FER1L6: variants seen among roughly 807,000 people sequenced by gnomAD.
FER1L6 encodes fer-1 like family member 6, also known as fer-1-like protein 6.
A neutral mutation model predicts 219.2 loss-of-function variants in FER1L6; 177 were observed. The ratio of observed to expected loss-of-function variants is 0.81; its 90% CI spans 0.71 to 0.91. FER1L6 has a LOEUF of 0.91. Among genes scored for constraint, FER1L6 ranks in the 40% least tolerant of loss-of-function variants. The pLI is 0.00. For missense variants in FER1L6, 2,153 were observed against 2,259.9 expected (o/e 0.95, Z 0.96); for synonymous variants, 768 against 824.3 (o/e 0.93, Z 1.17).
chr8:124,098,017 C>T (rs10956164), intron 37 of FER1L6, 134 bp downstream of exon 37: 428,871 of 510,412 alleles, frequency 0.84, 181,119 homozygotes, highest in African/African-American at 0.88. Context: ...TTAAGGCCAC[C>T]TTCTTTGTCT....
At chr8:124,044,795 G>T (rs1276535012) in intron 20 of FER1L6, among the ~76,000 whole-genome samples, 1 of 152,186 alleles carries the variant, frequency 6.6e-6, no homozygotes, top group Non-Finnish European at 1.5e-5. Flanking sequence ...GTGTGAAATT[G>T]GCAGGTTTCC....
intron 1 of FER1L6, among the ~76,000 whole-genome samples, chr8:123,914,394 G>A (rs1156511530): frequency 6.6e-6 from 1 of 152,186 alleles, no homozygotes; most frequent in African/African-American, 2.4e-5. Context: ...ACGTCAGTGG[G>A]TGGGGATGGT....
At chr8:124,112,970 G>A (rs1823083923) in intron 39 of FER1L6, among the ~76,000 whole-genome samples, 1 of 152,048 alleles carries the variant, frequency 6.6e-6, no homozygotes, top group South Asian at 2.1e-4. Flanking sequence ...AAGAAAACTT[G>A]CTAATGGTTT....
chr8:124,015,596 T>TGTATATATATTAC (rs1818159142), intron 15 of FER1L6, among the ~76,000 whole-genome samples: 2 of 96,916 alleles, frequency 2.1e-5, no homozygotes, highest in Non-Finnish European at 4.0e-5. Context: ...TATATATATA[T>TGTATATATATTAC]ATATATATAT....
intron 18 of FER1L6, among the ~76,000 whole-genome samples, chr8:124,024,657 C>T (rs1818625408): frequency 6.6e-6 from 1 of 152,154 alleles, no homozygotes; most frequent in Non-Finnish European, 1.5e-5. Flanking sequence ...TTGAATTGTG[C>T]TACAATAAAC....
intron 39 of FER1L6, 111 bp downstream of exon 39, chr8:124,103,420 C>A (rs1241788651): frequency 7.5e-6 from 8 of 1,062,350 alleles, no homozygotes; most frequent in East Asian, 4.8e-5. Flanking sequence ...TGACATGAAC[C>A]CTTCATGCAG....
chr8:124,021,981 G>A (rs1818477173), intron 17 of FER1L6, among the ~76,000 whole-genome samples: 1 of 152,174 alleles, frequency 6.6e-6, no homozygotes, highest in South Asian at 2.1e-4. Flanking sequence ...TTAAATTCGT[G>A]CCCAGTAAAG....
intron 12 of FER1L6, among the ~76,000 whole-genome samples, chr8:123,989,988 G>T (rs117447312): frequency 0.046 from 7,007 of 152,230 alleles, 227 homozygotes; most frequent in Non-Finnish European, 0.07. Flanking sequence ...GAAATCACTG[G>T]CTGGGCGCGG....
intron 33 of FER1L6, among the ~76,000 whole-genome samples, chr8:124,087,192 C>T (rs979764484): frequency 1.3e-5 from 2 of 152,040 alleles, no homozygotes; most frequent in African/African-American, 4.8e-5. Flanking sequence ...CTCTCTACCT[C>T]CTCTTTAAGG....
intron 1 of FER1L6, among the ~76,000 whole-genome samples, chr8:123,874,683 T>G (rs1668379696): frequency 6.6e-6 from 1 of 152,190 alleles, no homozygotes; most frequent in Non-Finnish European, 1.5e-5. Flanking sequence ...TCTAAGTCAA[T>G]CCCCTCTGTA....
At chr8:123,928,068 TTGAA>T (rs1211031295) in intron 1 of FER1L6, among the ~76,000 whole-genome samples, 1 of 152,198 alleles carries the variant, frequency 6.6e-6, no homozygotes, top group African/African-American at 2.4e-5. Flanking sequence ...TAAATTATCT[TTGAA>T]TGGCATTTGG....
chr8:123,922,863 C>T (rs1813413080), intron 1 of FER1L6, among the ~76,000 whole-genome samples: 1 of 152,088 alleles, frequency 6.6e-6, no homozygotes, highest in South Asian at 2.1e-4. Context: ...AGCGGTGGAG[C>T]CATGATTTGA....
intron 1 of FER1L6, among the ~76,000 whole-genome samples, chr8:123,922,166 C>T (rs1257062589): frequency 6.6e-6 from 1 of 152,210 alleles, no homozygotes; most frequent in Admixed American, 6.5e-5. Flanking sequence ...AACATGCACC[C>T]GGTGCCCTGC....
At chr8:123,884,328 G>A (rs1817161659) in intron 1 of FER1L6, among the ~76,000 whole-genome samples, 1 of 152,192 alleles carries the variant, frequency 6.6e-6, no homozygotes, top group Admixed American at 6.5e-5. Flanking sequence ...AAGTGAGGCA[G>A]TAAGTGGCTT....
intron 13 of FER1L6, among the ~76,000 whole-genome samples, chr8:124,008,044 G>A (rs1261394922): frequency 3.3e-5 from 5 of 152,106 alleles, no homozygotes; most frequent in African/African-American, 1.2e-4. Context: ...CCCATCACCT[G>A]AGCAGTATAC....
At chr8:123,906,316 C>T (rs1403269477) in intron 1 of FER1L6, among the ~76,000 whole-genome samples, 1 of 152,190 alleles carries the variant, frequency 6.6e-6, no homozygotes, top group Non-Finnish European at 1.5e-5. Flanking sequence ...TTTTCAGGCT[C>T]TGTTCTAGAA....
At chr8:123,961,317 A>G in intron 2 of FER1L6, among the ~76,000 whole-genome samples, 1 of 152,204 alleles carries the variant, frequency 6.6e-6, no homozygotes, top group Non-Finnish European at 1.5e-5. Context: ...GACCTACTCA[A>G]TCAGAATCTG....
intron 1 of FER1L6, among the ~76,000 whole-genome samples, chr8:123,855,079 C>T (rs1057364207): frequency 3.9e-5 from 6 of 152,170 alleles, no homozygotes; most frequent in Non-Finnish European, 5.9e-5. Context: ...CACAATGAAT[C>T]TGCATTTTGT....
At chr8:123,871,612 A>G (rs978125062) in intron 1 of FER1L6, among the ~76,000 whole-genome samples, 5 of 152,356 alleles carry the variant, frequency 3.3e-5, no homozygotes, top group Admixed American at 3.3e-4. Flanking sequence ...ATCCTGATAT[A>G]TAAGTAAATA....
Sources: allele counts gnomAD v4.1 joint callset (sites outside exome capture counted in the v4.1 genomes callset), GRCh38; gene constraint gnomAD v4.1.1; transcripts MANE v1.5; gene names NCBI Gene and HGNC (gene_info 2026-07-23, HGNC 2026-07-21).